Variants in SKIC3 observed in about 807,000 individuals in gnomAD.
SKIC3 encodes superkiller complex protein 3.
At chr5:95,475,734 T>C in the SKIC3 span, among the ~76,000 whole-genome samples, 1 of 152,228 alleles carries the variant, frequency 6.6e-6, no homozygotes, top group Non-Finnish European at 1.5e-5. Flanking sequence ...GTACAGGATC[T>C]TTATGTGAAG....
At chr5:95,531,305 A>G in the SKIC3 span, among the ~76,000 whole-genome samples, 2 of 152,242 alleles carry the variant, frequency 1.3e-5, no homozygotes, top group South Asian at 4.1e-4. Flanking sequence ...GAAAAGAATT[A>G]ATAATGGCTA....
chr5:95,506,762 G>A, the SKIC3 span, among the ~76,000 whole-genome samples: 2 of 152,128 alleles, frequency 1.3e-5, no homozygotes, highest in African/African-American at 4.8e-5. Flanking sequence ...GCACACTGGG[G>A]TTGGTTACCA....
the SKIC3 span, chr5:95,502,948 C>T: frequency 6.2e-7 from 1 of 1,613,896 alleles, no homozygotes; most frequent in Non-Finnish European, 8.5e-7. Context: ...CCAGAGCTGT[C>T]AAGATATGGG....
At chr5:95,528,653 T>C in the SKIC3 span, among the ~76,000 whole-genome samples, 1 of 152,098 alleles carries the variant, frequency 6.6e-6, no homozygotes, top group Admixed American at 6.6e-5. Flanking sequence ...CCAAGATGCC[T>C]AAGGTTTCCC....
At chr5:95,514,896 G>C in the SKIC3 span, 1 of 1,612,460 alleles carries the variant, frequency 6.2e-7, no homozygotes, top group Non-Finnish European at 8.5e-7. Flanking sequence ...TCAAGGGATT[G>C]AGCCATTTTG....
At chr5:95,538,049 C>G in the SKIC3 span, among the ~76,000 whole-genome samples, 1 of 151,914 alleles carries the variant, frequency 6.6e-6, no homozygotes, top group African/African-American at 2.4e-5. Context: ...TCTAAATACT[C>G]AGTATTCAAG....
chr5:95,500,040 T>C, the SKIC3 span, among the ~76,000 whole-genome samples: 3 of 152,116 alleles, frequency 2.0e-5, no homozygotes, highest in African/African-American at 4.8e-5. Context: ...TTAACTTAAG[T>C]AGTTTTATTT....
the SKIC3 span, among the ~76,000 whole-genome samples, chr5:95,480,908 A>G: frequency 6.6e-6 from 1 of 152,264 alleles, no homozygotes; most frequent in Non-Finnish European, 1.5e-5. Context: ...AAAAACAGGA[A>G]AAACTAAATA....
chr5:95,528,674 G>T, the SKIC3 span, among the ~76,000 whole-genome samples: 1 of 151,772 alleles, frequency 6.6e-6, no homozygotes, highest in African/African-American at 2.4e-5. Flanking sequence ...CTCTCTATAT[G>T]AGAGAAATTA....
At chr5:95,477,289 A>G in the SKIC3 span, among the ~76,000 whole-genome samples, 1 of 152,198 alleles carries the variant, frequency 6.6e-6, no homozygotes, top group African/African-American at 2.4e-5. Flanking sequence ...GGAAGCAAAA[A>G]TGAACAGAAA....
At chr5:95,550,698 C>T in the SKIC3 span, 1 of 152,456 alleles carries the variant, frequency 6.6e-6, no homozygotes, top group South Asian at 2.1e-4. Context: ...AAAAGGATGA[C>T]ACCCACAACC....
chr5:95,537,810 T>G, the SKIC3 span, among the ~76,000 whole-genome samples: 2 of 152,192 alleles, frequency 1.3e-5, no homozygotes, highest in African/African-American at 2.4e-5. Context: ...TTCTGCATTT[T>G]AAAATGAATA....
chr5:95,504,114 G>A, the SKIC3 span, among the ~76,000 whole-genome samples: 5 of 148,732 alleles, frequency 3.4e-5, no homozygotes, highest in African/African-American at 1.2e-4. Flanking sequence ...GGAGGGGGTG[G>A]ATCACAAGGT....
chr5:95,479,106 A>T, the SKIC3 span, among the ~76,000 whole-genome samples: 3 of 152,148 alleles, frequency 2.0e-5, no homozygotes, highest in Admixed American at 1.3e-4. Context: ...CAAAATCCAA[A>T]ACCTTTCAAA....
the SKIC3 span, among the ~76,000 whole-genome samples, chr5:95,466,887 A>T: frequency 6.6e-6 from 1 of 152,328 alleles, no homozygotes; most frequent in Admixed American, 6.5e-5. Flanking sequence ...AAAATAATCC[A>T]ATGTTTATAA....
the SKIC3 span, chr5:95,523,338 A>G: frequency 1.2e-6 from 2 of 1,607,684 alleles, no homozygotes; most frequent in Non-Finnish European, 1.7e-6. Flanking sequence ...TAATAATAAG[A>G]AAATACTAAT....
At chr5:95,530,290 A>G in the SKIC3 span, 9 of 1,584,284 alleles carry the variant, frequency 5.7e-6, no homozygotes, top group South Asian at 1.1e-5. Context: ...GCCCAAACCC[A>G]TATTCTTAAA....
the SKIC3 span, among the ~76,000 whole-genome samples, chr5:95,487,141 C>T: frequency 2.0e-5 from 3 of 152,144 alleles, no homozygotes; most frequent in Non-Finnish European, 2.9e-5. Flanking sequence ...TAGCCTCCCA[C>T]CCTACATCTT....
chr5:95,513,635 GC>G, the SKIC3 span: 1 of 1,613,648 alleles, frequency 6.2e-7, no homozygotes, highest in Non-Finnish European at 8.5e-7. Context: ...AACTGCCTCA[GC>G]AATAAGAGCC....
Sources: allele counts gnomAD v4.1 joint callset (sites outside exome capture counted in the v4.1 genomes callset), GRCh38; gene constraint gnomAD v4.1.1; transcripts MANE v1.5; gene names NCBI Gene and HGNC (gene_info 2026-07-23, HGNC 2026-07-21).